Variants in STAB2 observed in about 807,000 individuals in gnomAD.
The protein encoded by STAB2 is stabilin-2.
STAB2 carries 288 observed loss-of-function variants against 338.1 expected under a neutral mutation model. The observed-to-expected ratio is 0.85, with a 90% CI of 0.77 to 0.94. The LOEUF is 0.94. STAB2 is among the 40% of genes least tolerant of loss of function. The pLI is 0.00. For missense variants in STAB2, 3,141 were observed against 3,210.1 expected, an observed-to-expected ratio of 0.98 and a Z score of 0.52; for synonymous variants, 1,202 against 1,193.3, an observed-to-expected ratio of 1.01 and a Z score of -0.15.
At chr12:103,684,236 C>T (rs372071682) in intron 26 of STAB2, among the ~76,000 whole-genome samples, 3 of 152,298 alleles carry the variant, frequency 2.0e-5, no homozygotes, top group Admixed American at 6.5e-5. Flanking sequence ...CCCATGTCCC[C>T]GTTCAAAATC....
Position 103,638,120 on chromosome 12 carries a change from G to A in STAB2, c.814G>A (p.Gly272Ser), listed in dbSNP as rs1957579788. 3 of 1,614,200 alleles carry A rather than the reference G, an allele frequency of 1.9e-6. No individual in the cohort carries two copies. Among genetic ancestry groups the A allele is most frequent in the Non-Finnish European group, 2.5e-6 (3 of 1,180,054 alleles). The change falls in exon 8 of 69, where the codon GGC becomes AGC. Residue 272 changes from glycine to serine, a missense_variant. Physicochemically the swap from Gly to Ser is moderately conservative, Grantham distance 56. Transcript: ENST00000388887. ...ATGCCAAGAAGGCTACCGTGGGGAT[G>A]GCCAAGTGTGCTTGCCTGTGGACCC... is the stretch of plus-strand genomic sequence containing the variant. ...CTCQEGYRGD[G>S]QVCLPVDPCQ... is the part of the protein sequence containing the mutation.
At chr12:103,679,648 C>A (rs1876718534) in intron 25 of STAB2, among the ~76,000 whole-genome samples, 1 of 152,252 alleles carries the variant, frequency 6.6e-6, no homozygotes, top group Middle Eastern at 3.4e-3. Flanking sequence ...AGAAATCTTT[C>A]AGTTATAACA....
chr12:103,638,029 T>C lies in STAB2; in HGVS notation c.723T>C (p.Cys241=). 1 of 1,611,626 alleles carries C rather than the reference T, an allele frequency of 6.2e-7. No individual in the cohort carries two copies. The highest frequency in any genetic ancestry group is 8.5e-7 in the Non-Finnish European group (1 of 1,178,108). Residue 241 remains cysteine, a synonymous_variant, in exon 8 of 69, where the codon TGT becomes TGC. Coordinates refer to ENST00000388887, the MANE Select transcript of STAB2 (RefSeq NM_017564.10). ...TTGCCTCTCAAGCCATCAATCCATGTTTACGAAAAATCTGCCACCCTCATG... is the reference window on the plus strand; with the variant it reads ...TTGCCTCTCAAGCCATCAATCCATGCTTACGAAAAATCTGCCACCCTCATG... The part of the protein sequence containing the change: ...DGKYCDPINP[C]LRKICHPHAH...
chr12:103,684,395 T>C (rs926872888), intron 26 of STAB2, among the ~76,000 whole-genome samples: 7 of 152,130 alleles, frequency 4.6e-5, no homozygotes, highest in African/African-American at 1.7e-4. Context: ...GGACTAATTC[T>C]CTGATAGAAG....
At position 103,660,382 on chromosome 12, in the gene STAB2, C is replaced by A; in HGVS notation, c.1786C>A (p.Gln596Lys). 1 of 1,614,166 alleles carries A rather than the reference C, an allele frequency of 6.2e-7. No individual in the cohort carries two copies. The highest frequency in any genetic ancestry group is 8.5e-7 in the Non-Finnish European group (1 of 1,180,016). ...LVRYHIVPFT[Q>K]LEVATLISTP... ...CAGATACCACATTGTCCCATTTACC[C>A]AGGTTGGCCCCACTTTTCCTGCTGC... Residue 596 changes from glutamine to lysine, a missense_variant and splice_region_variant, in exon 16 of 69, where the codon CAG (glutamine) becomes AAG (lysine). Coordinates refer to ENST00000388887, the MANE Select transcript of STAB2 (RefSeq NM_017564.10).
intron 62 of STAB2, 41 bp downstream of exon 62, chr12:103,755,508 C>A: frequency 6.2e-7 from 1 of 1,609,920 alleles, no homozygotes; most frequent in Non-Finnish European, 8.5e-7. Context: ...GGCCACACAG[C>A]TGCTGAGCAA....
rs757571140 is a variant in STAB2 at position 103,638,252 on chromosome 12, T to A, written c.906+40T>A. On this transcript the variant is annotated intron_variant, in intron 8 of 68. Coordinates refer to ENST00000388887, the MANE Select transcript of STAB2 (RefSeq NM_017564.10). ...CAGGGAACTGATGTATCTAGAAGTTTGACAAGCCACTATGTGTCACAGGTA... is the reference window on the plus strand; with the variant it reads ...CAGGGAACTGATGTATCTAGAAGTTAGACAAGCCACTATGTGTCACAGGTA... The A allele has an allele frequency of 5.2e-6, 8 of 1,545,812 alleles. No homozygotes were observed. In the East Asian group the frequency reaches 7.1e-5, roughly 14 times the overall value.
intron 63 of STAB2, chr12:103,757,900 T>A (rs56863355): frequency 0.023 from 10,798 of 464,530 alleles, 503 homozygotes; most frequent in East Asian, 0.092. Context: ...AGACTCGAGA[T>A]TTGATGCACC....
chr12:103,624,281 T>G (rs12821299), intron 5 of STAB2, among the ~76,000 whole-genome samples: 23,766 of 152,202 alleles, frequency 0.16, 2,032 homozygotes, highest in South Asian at 0.21. Context: ...CTACACTGTT[T>G]TTGGATGAAT....
At chr12:103,613,790 C>G (rs1033006755) in intron 3 of STAB2, among the ~76,000 whole-genome samples, 4 of 152,166 alleles carry the variant, frequency 2.6e-5, no homozygotes, top group African/African-American at 9.7e-5. Flanking sequence ...ATGCTGAGAG[C>G]TGTAGACTGG....
chr12:103,597,073 T>G (rs1003224999), intron 3 of STAB2, among the ~76,000 whole-genome samples: 1 of 151,998 alleles, frequency 6.6e-6, no homozygotes, highest in African/African-American at 2.4e-5. Context: ...CTGGACATTA[T>G]TTCTACTGTC....
At chr12:103,764,098 C>G (rs759346033) in intron 68 of STAB2, among the ~76,000 whole-genome samples, 1 of 151,806 alleles carries the variant, frequency 6.6e-6, no homozygotes, top group Non-Finnish European at 1.5e-5. Flanking sequence ...GGATTACAGG[C>G]GCATACCACC....
Position 103,662,838 on chromosome 12 carries a change from C to T in STAB2, c.1870-8C>T, listed in dbSNP as rs11111706. ...TACAGAATTAGAGATGTCATTTTTT[C>T]TTTCCAGGGACAGATTCTGGCAAAT... On this transcript the variant is annotated splice_region_variant and splice_polypyrimidine_tract_variant and intron_variant, in intron 17 of 68. Coordinates refer to ENST00000388887, the MANE Select transcript of STAB2 (RefSeq NM_017564.10). 2.9e-3 allele frequency: 4,747 copies of T among 1,611,204 alleles called. 68 individuals are homozygous for T. In the East Asian group the frequency reaches 0.043, roughly 15 times the overall value.
At chr12:103,612,548 A>T (rs1197288412) in intron 3 of STAB2, among the ~76,000 whole-genome samples, 1 of 152,170 alleles carries the variant, frequency 6.6e-6, no homozygotes, top group Non-Finnish European at 1.5e-5. Context: ...AGGTCCTTTA[A>T]GGACTTCTCT....
chr12:103,740,873 A>G (rs1882530747), intron 55 of STAB2, 117 bp downstream of exon 55: 3 of 1,363,076 alleles, frequency 2.2e-6, no homozygotes, highest in East Asian at 2.6e-5. Context: ...GCTAATAATG[A>G]TTCCCAGACC....
chr12:103,631,617 G>C lies in STAB2; in HGVS notation c.507G>C (p.Gly169=), dbSNP rs200595336. The C allele has an allele frequency of 6.2e-7, 1 of 1,613,976 alleles. No homozygotes were observed. Among genetic ancestry groups the C allele is most frequent in the African/African-American group, 1.3e-5 (1 of 74,872 alleles). The stretch of plus-strand genomic sequence containing the variant: ...CTCCAGTGTGCAACTGTGTGCATGG[G>C]GTGTGCAACAGTGGACTAGATGGCG... ...SCSSVCNCVH[G]VCNSGLDGDG... The change falls in exon 6 of 69, where the codon GGG becomes GGC. Residue 169 remains glycine (G), a synonymous_variant. Transcript: ENST00000388887.
At chr12:103,696,072 A>G (rs766069005) in intron 33 of STAB2, among the ~76,000 whole-genome samples, 1 of 152,152 alleles carries the variant, frequency 6.6e-6, no homozygotes, top group Non-Finnish European at 1.5e-5. Flanking sequence ...TGTATACACA[A>G]GGATGCAGGT....
rs1203428547 is a variant in STAB2 at position 103,668,614 on chromosome 12, C to T, written c.2086-29C>T. ...CTGGAGGACCTAAACATGCTGACTG[C>T]CATGCTTTCCCTCCTTGGCTTTCTC... On this transcript the variant is annotated intron_variant, in intron 19 of 68. Transcript: ENST00000388887. The T allele has an allele frequency of 1.1e-5, 17 of 1,547,590 alleles. 1 individual carries two copies. In the African/African-American group the frequency reaches 2.3e-4, roughly 21 times the overall value.
chr12:103,651,181 CTT>C (rs1443623027), intron 11 of STAB2, among the ~76,000 whole-genome samples: 1 of 152,146 alleles, frequency 6.6e-6, no homozygotes, highest in Non-Finnish European at 1.5e-5. Context: ...AAATAATGGA[CTT>C]ATCGATTTGT....
Sources: allele counts gnomAD v4.1 joint callset (sites outside exome capture counted in the v4.1 genomes callset), GRCh38; gene constraint gnomAD v4.1.1; transcripts MANE v1.5; gene names NCBI Gene and HGNC (gene_info 2026-07-23, HGNC 2026-07-21).